Variants in CGNL1 observed in about 807,000 individuals in gnomAD.
The protein encoded by CGNL1 is cingulin like 1.
Under a neutral mutation model 141.2 loss-of-function variants are expected in CGNL1, and 132 were observed. The observed-to-expected ratio is 0.93, with a 90% CI of 0.81 to 1.08. The LOEUF is 1.08. Ranked by LOEUF, CGNL1 falls within the 50% of genes least tolerant of loss-of-function variation. The pLI, the probability that CGNL1 is intolerant of heterozygous loss-of-function variation, is 0.00. For missense variants in CGNL1, 1,870 were observed against 1,588.6 expected (o/e 1.18, Z -3.01); for synonymous variants, 690 against 622.1 (o/e 1.11, Z -1.63).
chr15:57,403,082 T>C (rs1317981004), intron 1 of CGNL1, among the ~76,000 whole-genome samples: 1 of 152,232 alleles, frequency 6.6e-6, no homozygotes, highest in African/African-American at 2.4e-5. Flanking sequence ...ATTTGGAGGC[T>C]GTACTTTCCA....
intron 8 of CGNL1, among the ~76,000 whole-genome samples, chr15:57,505,938 T>A (rs1194442224): frequency 6.6e-6 from 1 of 152,192 alleles, no homozygotes; most frequent in African/African-American, 2.4e-5. Flanking sequence ...AATGGGAAAG[T>A]TGAAGGATCC....
Position 57,461,534 on chromosome 15 carries a change from A to C in CGNL1, c.2191-146A>C, listed in dbSNP as rs768025809. 31 of 703,876 alleles carry C rather than the reference A, an allele frequency of 4.4e-5. 1 individual carries two copies. The highest frequency in any genetic ancestry group is 6.9e-5 in the Non-Finnish European group (27 of 393,668). 43.6% of individuals were successfully genotyped at this position (703,876 alleles called of 1,614,324 possible). On this transcript the variant is annotated intron_variant, in intron 7 of 18. Coordinates refer to ENST00000281282, the MANE Select transcript of CGNL1 (RefSeq NM_032866.5). ...GCAGGGGGAGAGGAAGAAATGGTCT[A>C]AACAGGTGTGCGGGATGTGGAAGGA...
intron 8 of CGNL1, among the ~76,000 whole-genome samples, chr15:57,468,234 C>CTTT (rs57360097): frequency 2.0e-4 from 17 of 85,884 alleles, no homozygotes; most frequent in African/African-American, 5.5e-4. Flanking sequence ...TTTTCTTTTT[C>CTTT]TTTTTTTTTT....
intron 15 of CGNL1, among the ~76,000 whole-genome samples, chr15:57,544,003 C>T (rs1182559659): frequency 6.6e-6 from 1 of 152,128 alleles, no homozygotes; most frequent in Non-Finnish European, 1.5e-5. Context: ...TTTTCTAGAT[C>T]CTGAAGAGGG....
intron 14 of CGNL1, among the ~76,000 whole-genome samples, chr15:57,540,036 G>C (rs762490276): frequency 6.6e-6 from 1 of 152,154 alleles, no homozygotes; most frequent in Non-Finnish European, 1.5e-5. Context: ...TGGGTCCTGT[G>C]TGACTACTCT....
chr15:57,543,709 G>A lies in CGNL1; in HGVS notation c.3305G>A (p.Arg1102Lys), dbSNP rs796099746. 2.5e-5 allele frequency: 41 copies of A among 1,613,690 alleles called. No individual in the cohort carries two copies. The highest frequency in any genetic ancestry group is 1.0e-4 in the Admixed American group (6 of 59,986). Residue 1102 changes from arginine (R) to lysine (K), a missense_variant, in exon 15 of 19, where the codon AGG becomes AAG. Coordinates refer to ENST00000281282, the MANE Select transcript of CGNL1 (RefSeq NM_032866.5). ...TGCTTGCTGTAGATGGAGCAGTTGA[G>A]GAATGAGCTACTTCAGGAGAGAGCT... ...SRSREQMEQL[R>K]NELLQERAAR... is the part of the protein sequence containing the mutation.
chr15:57,407,979 C>G (rs1043404469), intron 1 of CGNL1, among the ~76,000 whole-genome samples: 11 of 152,042 alleles, frequency 7.2e-5, no homozygotes, highest in Middle Eastern at 3.4e-3. Context: ...GAACTCCTGA[C>G]CTAAGGTGAT....
chr15:57,377,846 G>C (rs553100657), intron 1 of CGNL1, among the ~76,000 whole-genome samples: 1 of 152,274 alleles, frequency 6.6e-6, no homozygotes, highest in East Asian at 1.9e-4. Flanking sequence ...ATTAAAAGGA[G>C]AAAAAATACT....
chr15:57,523,810 G>A (rs1386618472), intron 11 of CGNL1, among the ~76,000 whole-genome samples, 169 bp downstream of exon 11: 3 of 152,208 alleles, frequency 2.0e-5, no homozygotes, highest in African/African-American at 7.2e-5. Context: ...TGAAAAGATA[G>A]ACACTGGTCT....
At chr15:57,397,562 G>T (rs1207536400) in intron 1 of CGNL1, among the ~76,000 whole-genome samples, 2 of 152,056 alleles carry the variant, frequency 1.3e-5, no homozygotes, top group Admixed American at 6.5e-5. Context: ...AATTATAAAA[G>T]TAATAGAATC....
intron 1 of CGNL1, among the ~76,000 whole-genome samples, chr15:57,419,484 A>G (rs537070133): frequency 2.0e-5 from 3 of 152,050 alleles, no homozygotes; most frequent in Non-Finnish European, 2.9e-5. Flanking sequence ...TACTACATTT[A>G]GTTGTCATGT....
intron 10 of CGNL1, among the ~76,000 whole-genome samples, chr15:57,520,422 A>G (rs1457416079): frequency 6.6e-6 from 1 of 152,210 alleles, no homozygotes; most frequent in Non-Finnish European, 1.5e-5. Flanking sequence ...ATCTTCACGT[A>G]TGATAAATAG....
chr15:57,403,573 A>C (rs1285744282), intron 1 of CGNL1, among the ~76,000 whole-genome samples: 1 of 152,244 alleles, frequency 6.6e-6, no homozygotes, highest in African/African-American at 2.4e-5. Context: ...CAATGGGCAG[A>C]GGCTGACCCG....
intron 7 of CGNL1, among the ~76,000 whole-genome samples, chr15:57,460,851 G>A (rs2063436745): frequency 1.3e-5 from 2 of 152,304 alleles, no homozygotes; most frequent in Non-Finnish European, 1.5e-5. Context: ...AAGACTGGGA[G>A]CAGGCTGGCA....
intron 8 of CGNL1, among the ~76,000 whole-genome samples, chr15:57,478,744 T>C (rs951448970): frequency 1.3e-5 from 2 of 152,158 alleles, no homozygotes; most frequent in African/African-American, 4.8e-5. Flanking sequence ...GCTCAAGTCA[T>C]CCTTCCAGCT....
At chr15:57,460,098 G>A (rs1478984083) in intron 7 of CGNL1, among the ~76,000 whole-genome samples, 2 of 152,110 alleles carry the variant, frequency 1.3e-5, no homozygotes, top group Non-Finnish European at 2.9e-5. Flanking sequence ...GGAGTGAAAA[G>A]CCAGAAAAGA....
At chr15:57,506,446 A>G (rs1166166138) in intron 8 of CGNL1, among the ~76,000 whole-genome samples, 1 of 152,202 alleles carries the variant, frequency 6.6e-6, no homozygotes, top group Non-Finnish European at 1.5e-5. Flanking sequence ...ACATTTTGTA[A>G]GAATTTTTCT....
chr15:57,442,970 A>G (rs186819765), intron 4 of CGNL1, among the ~76,000 whole-genome samples: 3 of 152,354 alleles, frequency 2.0e-5, no homozygotes, highest in Admixed American at 6.5e-5. Context: ...TTAAAAATAC[A>G]TAGACTATAA....
intron 1 of CGNL1, among the ~76,000 whole-genome samples, chr15:57,394,581 A>G (rs1157110695): frequency 6.6e-6 from 1 of 152,210 alleles, no homozygotes; most frequent in Admixed American, 6.5e-5. Context: ...GCCACAATTC[A>G]TGAGAATTGA....
Sources: allele counts gnomAD v4.1 joint callset (sites outside exome capture counted in the v4.1 genomes callset), GRCh38; gene constraint gnomAD v4.1.1; transcripts MANE v1.5; gene names NCBI Gene and HGNC (gene_info 2026-07-23, HGNC 2026-07-21).